CEP89: variants seen among roughly 807,000 people sequenced by gnomAD.
CEP89 encodes the protein centrosomal protein 89.
A neutral mutation model predicts 97.6 loss-of-function variants in CEP89; 95 were observed. That is an observed-to-expected ratio of 0.97 (90% CI 0.82 to 1.15). The LOEUF is 1.15. Among genes scored for constraint, CEP89 ranks in the 50% most tolerant of loss-of-function variants. The probability of loss-of-function intolerance (pLI) is 0.00; values close to 1 mark genes in which losing one functional copy is unlikely to be tolerated. For synonymous variants in CEP89, 354 were observed against 349.1 expected, an observed-to-expected ratio of 1.01 and a Z score of -0.16; for missense variants, 869 against 947.7, an observed-to-expected ratio of 0.92 and a Z score of 1.09.
At chr19:32,961,956 T>G (rs997275945) in intron 2 of CEP89, among the ~76,000 whole-genome samples, 3 of 151,790 alleles carry the variant, frequency 2.0e-5, no homozygotes, top group Non-Finnish European at 4.4e-5. Flanking sequence ...TGTTTTGTTT[T>G]AAATTACTAC....
chr19:32,952,602 T>C (rs944082147), intron 4 of CEP89, among the ~76,000 whole-genome samples: 1 of 151,508 alleles, frequency 6.6e-6, no homozygotes, highest in Admixed American at 6.6e-5. Flanking sequence ...ATTATAATGA[T>C]GGTGAAAAAA....
intron 9 of CEP89, chr19:32,931,094 C>T: frequency 6.7e-6 from 2 of 299,618 alleles, no homozygotes; most frequent in Non-Finnish European, 1.1e-5. Context: ...CTCGCCATGT[C>T]CCCCAGGATG....
At chr19:32,956,937 G>A (rs980118665) in intron 3 of CEP89, among the ~76,000 whole-genome samples, 2 of 152,080 alleles carry the variant, frequency 1.3e-5, no homozygotes, top group African/African-American at 4.8e-5. Context: ...CATTCATTAG[G>A]AATTTATTTT....
chr19:32,881,418 T>C (rs1253419424), intron 18 of CEP89, among the ~76,000 whole-genome samples: 1 of 152,084 alleles, frequency 6.6e-6, no homozygotes, highest in Non-Finnish European at 1.5e-5. Flanking sequence ...ATCCCAGCTA[T>C]ACTCAGGAGG....
chr19:32,971,546 C>T, intron 1 of CEP89: 1 of 578,522 alleles, frequency 1.7e-6, no homozygotes, highest in Non-Finnish European at 3.1e-6. Flanking sequence ...AGTCTCAGCT[C>T]CTCGGGAGGC....
At chr19:32,949,278 A>G (rs535939770) in intron 4 of CEP89, among the ~76,000 whole-genome samples, 1 of 152,326 alleles carries the variant, frequency 6.6e-6, no homozygotes, top group Non-Finnish European at 1.5e-5. Context: ...CCCATGGGCC[A>G]GGAATGGGAC....
intron 8 of CEP89, among the ~76,000 whole-genome samples, chr19:32,932,250 C>A (rs1329947325): frequency 1.3e-5 from 2 of 151,284 alleles, no homozygotes; most frequent in Non-Finnish European, 2.9e-5. Context: ...TAATAACCTT[C>A]CCACATAATA....
chr19:32,922,535 C>A (rs977394817), intron 12 of CEP89, among the ~76,000 whole-genome samples: 3 of 147,448 alleles, frequency 2.0e-5, no homozygotes. Context: ...AGAGTGAGAC[C>A]CTAACTCTAA....
intron 12 of CEP89, among the ~76,000 whole-genome samples, chr19:32,919,881 G>C (rs1345826902): frequency 6.6e-6 from 1 of 152,140 alleles, no homozygotes; most frequent in African/African-American, 2.4e-5. Flanking sequence ...CCTGACCTCA[G>C]GTGATCCTCC....
chr19:32,889,743 G>A (rs1969474248), intron 16 of CEP89, among the ~76,000 whole-genome samples: 2 of 152,126 alleles, frequency 1.3e-5, no homozygotes, highest in South Asian at 4.1e-4. Context: ...CAAACAAGAC[G>A]GCTTTGCGTT....
Position 32,926,170 on chromosome 19 carries a change from T to C in CEP89, c.1164+20A>G. On this transcript the variant is annotated intron_variant, in intron 11 of 18. Transcript: ENST00000305768. ...ATATTTTTATAAATCTTGTGTCTTC[T>C]GGGACATTTGCCAGCCTACCTTGAG... The C allele has an allele frequency of 1.3e-6, 2 of 1,569,224 alleles. No individual in the cohort carries two copies. The highest frequency in any genetic ancestry group is 1.8e-6 in the Non-Finnish European group (2 of 1,141,272).
chr19:32,917,499 C>A (rs1027794806), intron 13 of CEP89, among the ~76,000 whole-genome samples: 5 of 152,228 alleles, frequency 3.3e-5, no homozygotes, highest in Non-Finnish European at 7.3e-5. Context: ...CCTCCATCTG[C>A]TTCTCAGGGT....
intron 3 of CEP89, 108 bp downstream of exon 3, chr19:32,959,792 G>A: frequency 8.2e-7 from 1 of 1,223,410 alleles, no homozygotes; most frequent in Non-Finnish European, 1.1e-6. Context: ...CACCCACACA[G>A]GTACACATGC....
chr19:32,909,393 G>A (rs1052970535), intron 14 of CEP89, among the ~76,000 whole-genome samples: 5 of 152,254 alleles, frequency 3.3e-5, no homozygotes, highest in African/African-American at 1.2e-4. Context: ...AACCACCAGG[G>A]CAGAAAATCC....
chr19:32,940,910 G>A (rs999942743), intron 5 of CEP89, among the ~76,000 whole-genome samples: 6 of 151,906 alleles, frequency 3.9e-5, no homozygotes, highest in East Asian at 1.9e-4. Flanking sequence ...ACAGGCATGC[G>A]CCACGACACC....
At chr19:32,964,177 T>G (rs1341361927) in intron 2 of CEP89, among the ~76,000 whole-genome samples, 1 of 83,200 alleles carries the variant, frequency 1.2e-5, no homozygotes, top group Non-Finnish European at 2.4e-5. Flanking sequence ...TGTGTATACA[T>G]TTTTTTTTTT....
intron 3 of CEP89, among the ~76,000 whole-genome samples, chr19:32,957,298 A>G (rs8107282): frequency 0.58 from 88,357 of 152,066 alleles, 25,875 homozygotes; most frequent in East Asian, 0.65. Flanking sequence ...GGTTTGGCAA[A>G]GGTAGGTTTA....
chr19:32,954,355 G>C (rs1971001102), intron 3 of CEP89, among the ~76,000 whole-genome samples: 2 of 145,270 alleles, frequency 1.4e-5, no homozygotes, highest in Admixed American at 7.4e-5. Context: ...TTATGAATAA[G>C]GGTTTTTTGT....
At chr19:32,913,098 T>A (rs1000879689) in intron 14 of CEP89, among the ~76,000 whole-genome samples, 1 of 147,634 alleles carries the variant, frequency 6.8e-6, no homozygotes, top group East Asian at 1.9e-4. Flanking sequence ...TAATAAAAAA[T>A]ATAAATATAT....
Sources: gnomAD v4.1 joint callset for allele counts (sites outside exome capture counted in the v4.1 genomes callset) on GRCh38, gnomAD v4.1.1 for gene constraint, MANE v1.5 for transcripts, NCBI Gene and HGNC (gene_info 2026-07-23, HGNC 2026-07-21) for gene names.